The following PRAG1 variants were observed in gnomAD, a reference collection of about 807,000 sequenced individuals.
PRAG1 encodes inactive tyrosine-protein kinase PRAG1.
PRAG1 carries 110 observed loss-of-function variants against 95.6 expected under a neutral mutation model. That is an observed-to-expected ratio of 1.15 (90% confidence interval 0.99 to 1.35). The LOEUF is 1.35. PRAG1 is among the 40% of genes most tolerant of loss of function. The pLI is 0.00. For missense variants in PRAG1, 2,554 were observed against 1,864.7 expected (o/e 1.37, Z -6.81); for synonymous variants, 1,052 against 819.4 (o/e 1.28, Z -4.85).
chr8:8,319,193 C>G lies in PRAG1; in HGVS notation c.3182G>C (p.Ser1061Thr), dbSNP rs778981767. The G allele has an allele frequency of 6.9e-6, 11 of 1,597,680 alleles. No individual in the cohort carries two copies. Among genetic ancestry groups the G allele is most frequent in the Non-Finnish European group, 9.4e-6 (11 of 1,169,854 alleles). The change falls in exon 6 of 6, where the codon AGC becomes ACC. Residue 1061 changes from serine to threonine, a missense_variant. Coordinates refer to ENST00000615670, the MANE Select transcript of PRAG1 (RefSeq NM_001080826.3). Reference protein sequence around the residue: ...CGHFVASVPSSMLSSPDAPKD... With the variant: ...CGHFVASVPSTMLSSPDAPKD... ...GGGCGCGTCGGGGGAGCTGAGCATG[C>G]TGGACGGCACCGAGGCGACGAAGTG... is the stretch of plus-strand genomic sequence containing the variant.
At chr8:8,369,217 T>G (rs2116912805) in intron 3 of PRAG1, among the ~76,000 whole-genome samples, 1 of 151,936 alleles carries the variant, frequency 6.6e-6, no homozygotes, top group South Asian at 2.1e-4. Flanking sequence ...GAAAATTCAG[T>G]AATTCTCCAT....
chr8:8,370,155 T>C (rs1346748222), intron 3 of PRAG1, among the ~76,000 whole-genome samples: 2 of 152,240 alleles, frequency 1.3e-5, no homozygotes, highest in African/African-American at 4.8e-5. Flanking sequence ...AATCAGTAAT[T>C]TTTAAAGAAG....
In PRAG1 at chr8:8,319,287, C is replaced by T. The variant is rs193272374; in HGVS notation, c.3088G>A (p.Glu1030Lys). The change falls in exon 6 of 6, where the codon GAG becomes AAG. Residue 1030 changes from glutamate (E) to lysine (K), a missense_variant. Coordinates refer to ENST00000615670, the MANE Select transcript of PRAG1 (RefSeq NM_001080826.3). ...TYAVKICKAP[E>K]PKTVSYCSPS... The stretch of plus-strand genomic sequence containing the variant: ...CTGCAGTAGGAGACTGTTTTGGGCT[C>T]AGGGGCTTTGCAGATCTGTGGAGAG... The T allele has an allele frequency of 4.6e-6, 7 of 1,512,944 alleles. No homozygotes were observed. The Admixed American group carries it at 1.3e-4, about 27-fold the overall frequency. 93.7% of individuals were successfully genotyped at this position (1,512,944 alleles called of 1,614,324 possible). A position where few individuals can be genotyped will look rare whatever the true frequency, so the allele number is the denominator to read the frequency against.
Position 8,376,897 on chromosome 8 carries a change from C to T in PRAG1, c.1512G>A (p.Gly504=), listed in dbSNP as rs1294101629. Residue 504 remains glycine, a synonymous_variant, in exon 3 of 6, where the codon GGG becomes GGA. Coordinates refer to ENST00000615670, the MANE Select transcript of PRAG1 (RefSeq NM_001080826.3). ...CTACCTCGGAGTTCTGGCTCACAGG[C>T]CCTCGTGGCCACTGCACCCCCACTG... ...DSAVGVQWPR[G]PVSQNSEVGE... is the part of the protein sequence containing the mutation. 1.9e-6 allele frequency: 3 copies of T among 1,613,318 alleles called. No individual in the cohort carries two copies. Among genetic ancestry groups the T allele is most frequent in the Non-Finnish European group, 2.5e-6 (3 of 1,180,026 alleles).
intron 3 of PRAG1, among the ~76,000 whole-genome samples, chr8:8,340,738 T>C (rs1220539670): frequency 6.6e-6 from 1 of 151,996 alleles, no homozygotes; most frequent in East Asian, 1.9e-4. Flanking sequence ...AACAGGAGGG[T>C]TTAAAGTTTG....
rs756392124 is a variant in PRAG1 at position 8,381,568 on chromosome 8, C to A, written c.180G>T (p.Leu60=). 7 of 1,614,082 alleles carry A rather than the reference C, an allele frequency of 4.3e-6. No homozygotes were observed. Among genetic ancestry groups the A allele is most frequent in the Non-Finnish European group, 5.9e-6 (7 of 1,180,028 alleles). The part of the protein sequence containing the change: ...RAGSLPPPPR[L]PPRPENCRLE... ...GGCGGCAGTTCTCAGGCCTGGGAGG[C>A]AGGCGCGGTGGAGGGGGCAGGCTGC... Residue 60 remains leucine (L), a synonymous_variant, in exon 2 of 6, where the codon CTG becomes CTT. Coordinates refer to ENST00000615670, the MANE Select transcript of PRAG1 (RefSeq NM_001080826.3).
intron 2 of PRAG1, 66 bp from the exon 3 acceptor site, chr8:8,378,144 A>G: frequency 6.7e-7 from 1 of 1,488,140 alleles, no homozygotes; most frequent in Admixed American, 2.3e-5. Flanking sequence ...AGAGAGAGGA[A>G]AAGTGAGAGG....
At chr8:8,359,470 A>G (rs4840941) in intron 3 of PRAG1, among the ~76,000 whole-genome samples, 89,143 of 152,014 alleles carry the variant, frequency 0.59, 26,805 homozygotes, top group East Asian at 0.9. Context: ...TAGAAATAGC[A>G]TTAGGTACAA....
At chr8:8,384,804 C>G (rs2921002) in intron 1 of PRAG1, among the ~76,000 whole-genome samples, 10 of 152,300 alleles carry the variant, frequency 6.6e-5, no homozygotes, top group African/African-American at 2.4e-4. Flanking sequence ...TTCCTTACTT[C>G]TGAGGGGAGG....
chr8:8,367,458 CAAAAAAAAAAAAAAAAAAA>C (rs1158165514), intron 3 of PRAG1, among the ~76,000 whole-genome samples: 8 of 26,250 alleles, frequency 3.0e-4, no homozygotes, highest in Non-Finnish European at 3.8e-4. Flanking sequence ...GACTCCATCT[CAAAAAAAAAAAAAAAAAAA>C]AAAAAAAAAA....
chr8:8,358,952 G>A (rs1353468832), intron 3 of PRAG1, among the ~76,000 whole-genome samples: 1 of 152,242 alleles, frequency 6.6e-6, no homozygotes, highest in East Asian at 1.9e-4. Context: ...AGGGATATAA[G>A]CTGTGACCTG....
In PRAG1 at chr8:8,377,316, A is replaced by G; in HGVS notation, c.1093T>C (p.Tyr365His). Residue 365 changes from tyrosine to histidine, a missense_variant, in exon 3 of 6, where the codon TAC becomes CAC. Tyr to His is a moderately conservative substitution (Grantham distance 83). Transcript: ENST00000615670. ...SPFVPHLESDYCSLMKEPAPE... is the reference protein window; with the variant it reads ...SPFVPHLESDHCSLMKEPAPE... The stretch of plus-strand genomic sequence containing the variant: ...GCAGGTTCCTTCATGAGGGAGCAGT[A>G]ATCACTCTCGAGGTGGGGGACGAAG... 1 of 1,612,220 alleles carries G rather than the reference A, an allele frequency of 6.2e-7. No homozygotes were observed. Among genetic ancestry groups the G allele is most frequent in the African/African-American group, 1.3e-5 (1 of 75,008 alleles).
At chr8:8,349,720 G>A (rs1195243003) in intron 3 of PRAG1, among the ~76,000 whole-genome samples, 2 of 152,122 alleles carry the variant, frequency 1.3e-5, no homozygotes, top group Non-Finnish European at 2.9e-5. Context: ...TGATTTATTA[G>A]GATGCATAAA....
At chr8:8,349,572 G>A (rs953898300) in intron 3 of PRAG1, among the ~76,000 whole-genome samples, 20 of 152,042 alleles carry the variant, frequency 1.3e-4, no homozygotes, top group East Asian at 1.9e-4. Flanking sequence ...CTGAGCCACC[G>A]CGCCCGGCCG....
intron 3 of PRAG1, among the ~76,000 whole-genome samples, chr8:8,355,435 CA>C (rs369713600): frequency 5.3e-5 from 8 of 150,992 alleles, no homozygotes; most frequent in Non-Finnish European, 1.2e-4. Context: ...TATGGAATGA[CA>C]AAAAAAACCC....
rs769467521 is a variant in PRAG1, at chr8:8,381,669, G to T, written c.79C>A (p.Pro27Thr). ...CAGAAGCAGTTCTTGCAGGACCCGG[G>T]TTTCCAGATGTGCTCCACAAAGTCA... ...CSDFVEHIWKPGSCKNCFCLR... is the reference protein window; with the variant it reads ...CSDFVEHIWKTGSCKNCFCLR... The change falls in exon 2 of 6, where the codon CCC (proline) becomes ACC (threonine). Residue 27 changes from proline (P) to threonine (T), a missense_variant. By Grantham distance (38) the Pro-to-Thr change is conservative. Transcript: ENST00000615670. 5.6e-6 allele frequency: 9 copies of T among 1,613,550 alleles called. No homozygotes were observed. The highest frequency in any genetic ancestry group is 7.6e-6 in the Non-Finnish European group (9 of 1,179,710).
intron 3 of PRAG1, among the ~76,000 whole-genome samples, chr8:8,366,542 G>T (rs971929270): frequency 6.6e-6 from 1 of 152,084 alleles, no homozygotes; most frequent in South Asian, 2.1e-4. Context: ...TTGAACTCCT[G>T]ACCTCAGATG....
intron 4 of PRAG1, among the ~76,000 whole-genome samples, chr8:8,330,583 T>C (rs912489302): frequency 6.6e-6 from 1 of 152,202 alleles, no homozygotes; most frequent in Non-Finnish European, 1.5e-5. Flanking sequence ...AATCAAGCAG[T>C]GGTGGTGCAG....
chr8:8,339,181 C>T (rs117796086), intron 4 of PRAG1, among the ~76,000 whole-genome samples: 3,686 of 152,200 alleles, frequency 0.024, 67 homozygotes, highest in Non-Finnish European at 0.035. Flanking sequence ...AAAAAGCAGG[C>T]CTGTACACAG....
Sources: allele counts gnomAD v4.1 joint callset (sites outside exome capture counted in the v4.1 genomes callset), GRCh38; gene constraint gnomAD v4.1.1; transcripts MANE v1.5; gene names NCBI Gene and HGNC (gene_info 2026-07-23, HGNC 2026-07-21).